The following BRD2 variants were observed in gnomAD, a reference collection of about 807,000 sequenced individuals.
The protein encoded by BRD2 is bromodomain-containing protein 2.
Under a neutral mutation model 79.1 loss-of-function variants are expected in BRD2, and 15 were observed. The ratio of observed to expected loss-of-function variants is 0.19; its 90% CI spans 0.13 to 0.29. The LOEUF is 0.29. Among genes scored for constraint, BRD2 ranks in the 10% least tolerant of loss-of-function variants. The probability of loss-of-function intolerance (pLI) is 1.00; values close to 1 mark genes in which losing one functional copy is unlikely to be tolerated. For missense variants in BRD2, 1,053 were observed against 991.3 expected (o/e 1.06, Z -0.84); for synonymous variants, 488 against 358.6 (o/e 1.36, Z -4.08).
In BRD2 at chr6:32,972,191, C is replaced by G. The variant is rs767370352; in HGVS notation, c.-708C>G. On this transcript the variant is annotated 5_prime_UTR_variant, in exon 2 of 13. Transcript: ENST00000374825. ...ATATATAAAGGGCTGGCGCGGGGCT[C>G]GGCGGCGCCATTTCGTGCTGGAGTG... The G allele has an allele frequency of 9.0e-6, 5 of 555,422 alleles. No individual in the cohort carries two copies. The highest frequency in any genetic ancestry group is 1.6e-5 in the Non-Finnish European group (5 of 305,800). 34.4% of individuals were successfully genotyped at this position (555,422 alleles called of 1,614,324 possible).
intron 10 of BRD2, chr6:32,978,870 C>A: frequency 6.0e-6 from 1 of 165,754 alleles, no homozygotes; most frequent in Non-Finnish European, 1.3e-5. Context: ...CTCAAAGTAG[C>A]CATAAACTAG....
rs771907245 is a variant in BRD2, at chr6:32,980,758, G to A, written c.*40G>A. ...TGGGGCAGGAAGGCTCCGCAGGACC[G>A]GACCCCTAGACCACCCTGCCCCACC... On this transcript the variant is annotated 3_prime_UTR_variant, in exon 13 of 13. Coordinates refer to ENST00000374825, the MANE Select transcript of BRD2 (RefSeq NM_005104.4). 1.1e-5 allele frequency: 18 copies of A among 1,609,352 alleles called. No homozygotes were observed. Among genetic ancestry groups the A allele is most frequent in the East Asian group, 2.2e-5 (1 of 44,872 alleles).
chr6:32,974,779 T>C lies in BRD2; in HGVS notation c.333+14T>C, dbSNP rs780280537. On this transcript the variant is annotated intron_variant, in intron 3 of 12. Transcript: ENST00000374825. ...CTGGGTCTACCGGTGAGTAGAGACATTGGAGCCGGGGAGGTGTGGGATGAG... is the reference window on the plus strand; with the variant it reads ...CTGGGTCTACCGGTGAGTAGAGACACTGGAGCCGGGGAGGTGTGGGATGAG... 5 of 1,609,938 alleles carry C rather than the reference T, an allele frequency of 3.1e-6. No individual in the cohort carries two copies. Among genetic ancestry groups the C allele is most frequent in the Middle Eastern group, 1.7e-4 (1 of 6,046 alleles).
Position 32,980,760 on chromosome 6 carries a change from A to G in BRD2, c.*42A>G, listed in dbSNP as rs1168047899. The G allele has an allele frequency of 3.7e-6, 6 of 1,607,736 alleles. No homozygotes were observed. The highest frequency in any genetic ancestry group is 5.1e-6 in the Non-Finnish European group (6 of 1,177,940). ...GGGCAGGAAGGCTCCGCAGGACCGG[A>G]CCCCTAGACCACCCTGCCCCACCTG... On this transcript the variant is annotated 3_prime_UTR_variant, in exon 13 of 13. Coordinates refer to ENST00000374825, the MANE Select transcript of BRD2 (RefSeq NM_005104.4).
chr6:32,975,716 AG>A (rs1778652046), intron 4 of BRD2, among the ~76,000 whole-genome samples, 195 bp downstream of exon 4: 1 of 152,184 alleles, frequency 6.6e-6, no homozygotes, highest in African/African-American at 2.4e-5. Flanking sequence ...CTCTAGTTGA[AG>A]GTTATTTAGA....
chr6:32,972,779 A>G lies in BRD2; in HGVS notation c.-120A>G, dbSNP rs1778189858. On this transcript the variant is annotated 5_prime_UTR_variant, in exon 2 of 13. Coordinates refer to ENST00000374825, the MANE Select transcript of BRD2 (RefSeq NM_005104.4). ...GCCAGGCAGGGGGTTTGTCGCCTGG[A>G]GGCCCAAGAGGAACGGCCTCCCCCC... The G allele has an allele frequency of 6.8e-7, 1 of 1,472,826 alleles. No individual in the cohort carries two copies. Among genetic ancestry groups the G allele is most frequent in the Non-Finnish European group, 9.4e-7 (1 of 1,064,202 alleles). The allele number at this position is 1,472,826 out of a possible 1,614,324, so 91.2% of individuals were successfully genotyped here.
chr6:32,978,487 A>G, intron 10 of BRD2, 99 bp downstream of exon 10: 1 of 1,526,256 alleles, frequency 6.6e-7, no homozygotes, highest in Admixed American at 2.1e-5. Context: ...GCCAGTTAAC[A>G]GATACAATAG....
Position 32,977,994 on chromosome 6 carries a change from C to T in BRD2, c.1567C>T (p.Leu523=), listed in dbSNP as rs1778996990. Residue 523 remains leucine, a synonymous_variant, in exon 9 of 13, where the codon CTA becomes TTA. Coordinates refer to ENST00000374825, the MANE Select transcript of BRD2 (RefSeq NM_005104.4). ...EEERAHRLAE[L]QEQLRAVHEQ... Reference sequence around the variant, plus strand: ...AGAAAGGGCTCATCGCTTAGCAGAACTACAGGAACAGGTATTTTGTCACTC... The same window carrying T: ...AGAAAGGGCTCATCGCTTAGCAGAATTACAGGAACAGGTATTTTGTCACTC... The T allele has an allele frequency of 1.2e-6, 2 of 1,610,258 alleles. No individual in the cohort carries two copies. The highest frequency in any genetic ancestry group is 2.2e-5 in the East Asian group (1 of 44,882).
rs1778081532 is a variant in BRD2, at chr6:32,972,149, GCTC to G, written c.-742_-740del. ...CAGGGTGGCGCGCATGAGCGGCGAA[GCTC>G]CTCCTCCCCGCCTATATATAAAGGG... On this transcript the variant is annotated 5_prime_UTR_variant, in exon 2 of 13. Coordinates refer to ENST00000374825, the MANE Select transcript of BRD2 (RefSeq NM_005104.4). 1.5e-6 allele frequency: 1 copy of G among 646,006 alleles called. No homozygotes were observed. The highest frequency in any genetic ancestry group is 2.8e-6 in the Non-Finnish European group (1 of 355,110). The allele number at this position is 646,006 out of a possible 1,614,324, so 40.0% of individuals were successfully genotyped here. A position where few individuals can be genotyped will look rare whatever the true frequency, so the allele number is the denominator to read the frequency against.
chr6:32,980,476 C>CT lies in BRD2; in HGVS notation c.2269+15dup, dbSNP rs754834721. ...GCCCCCCAAGAAAGGTGAGTATATA[C>CT]TTTCATGCCACTACAGATTGACTCC... On this transcript the variant is annotated intron_variant, in intron 12 of 12. Coordinates refer to ENST00000374825, the MANE Select transcript of BRD2 (RefSeq NM_005104.4). 34 of 1,613,022 alleles carry CT rather than the reference C, an allele frequency of 2.1e-5. No homozygotes were observed. Among genetic ancestry groups the CT allele is most frequent in the Non-Finnish European group, 2.9e-5 (34 of 1,180,004 alleles).
intron 10 of BRD2, 153 bp from the exon 11 acceptor site, chr6:32,979,675 A>G (rs953428816): frequency 3.7e-6 from 3 of 818,664 alleles, no homozygotes; most frequent in Non-Finnish European, 5.6e-6. Context: ...TTCACTATAC[A>G]GTGTCCCAGT....
intron 7 of BRD2, 75 bp from the exon 8 acceptor site, chr6:32,977,367 T>G: frequency 6.2e-7 from 1 of 1,611,632 alleles, no homozygotes; most frequent in Non-Finnish European, 8.5e-7. Flanking sequence ...AGGGCTCTTC[T>G]TGTGGTGTCT....
intron 3 of BRD2, 90 bp downstream of exon 3, chr6:32,974,855 C>G (rs1778516593): frequency 1.3e-6 from 2 of 1,484,508 alleles, no homozygotes; most frequent in Admixed American, 4.0e-5. Context: ...TGCTGCGGCC[C>G]CTAGGGAGTT....
intron 9 of BRD2, 59 bp downstream of exon 9, chr6:32,978,064 T>A: frequency 6.3e-7 from 1 of 1,588,376 alleles, no homozygotes; most frequent in Non-Finnish European, 8.5e-7. Flanking sequence ...TTTGTCCTCA[T>A]TTTTTCTTCT....
chr6:32,974,508 G>A lies in BRD2; in HGVS notation c.76G>A (p.Ala26Thr). ...AGGGTTGCTGGGGCTGGGCCCAGAA[G>A]CAGCAGCACCAGGGAAGAGGATTCG... ...NAGLLGLGPE[A>T]AAPGKRIRKP... is the part of the protein sequence containing the mutation. Residue 26 changes from alanine (A) to threonine (T), a missense_variant, in exon 3 of 13, where the codon GCA becomes ACA. By Grantham distance (58) the Ala-to-Thr change is moderately conservative. This residue lies in a region of BRD2 where 413 missense variants were observed against 335.1 expected (regional missense o/e 1.23). Transcript: ENST00000374825. 1 of 1,613,758 alleles carries A rather than the reference G, an allele frequency of 6.2e-7. No individual in the cohort carries two copies. The highest frequency in any genetic ancestry group is 8.5e-7 in the Non-Finnish European group (1 of 1,179,614).
In BRD2 at chr6:32,980,837, C is replaced by A; in HGVS notation, c.*119C>A. ...CTTCATCTCACCCCCCCCCGCCCCCCTCTAGGAGAGCTGGCTCTGCAGTGG... is the reference window on the plus strand; with the variant it reads ...CTTCATCTCACCCCCCCCCGCCCCCATCTAGGAGAGCTGGCTCTGCAGTGG... On this transcript the variant is annotated 3_prime_UTR_variant, in exon 13 of 13. Coordinates refer to ENST00000374825, the MANE Select transcript of BRD2 (RefSeq NM_005104.4). 3 of 1,253,038 alleles carry A rather than the reference C, an allele frequency of 2.4e-6. No individual in the cohort carries two copies. The highest frequency in any genetic ancestry group is 3.3e-6 in the Non-Finnish European group (3 of 899,676). The allele number at this position is 1,253,038 out of a possible 1,614,324, so 77.6% of individuals were successfully genotyped here.
chr6:32,972,439 C>A lies in BRD2; in HGVS notation c.-460C>A. 1 of 297,812 alleles carries A rather than the reference C, an allele frequency of 3.4e-6. No individual in the cohort carries two copies. Among genetic ancestry groups the A allele is most frequent in the Non-Finnish European group, 6.5e-6 (1 of 154,930 alleles). The allele number at this position is 297,812 out of a possible 1,614,324, so 18.4% of individuals were successfully genotyped here. Reference sequence around the variant, plus strand: ...GTCTGTCCACCCCCTCTACTCCGCCCTCAAGAGGATTTCAAAGATGGAGGC... The same window carrying A: ...GTCTGTCCACCCCCTCTACTCCGCCATCAAGAGGATTTCAAAGATGGAGGC... On this transcript the variant is annotated 5_prime_UTR_variant, in exon 2 of 13. Coordinates refer to ENST00000374825, the MANE Select transcript of BRD2 (RefSeq NM_005104.4).
rs890879090 is a variant in BRD2, at chr6:32,980,992, T to A, written c.*274T>A. On this transcript the variant is annotated 3_prime_UTR_variant, in exon 13 of 13. Transcript: ENST00000374825. ...AAATGGGGCAGGGCAAGGGTGGGAG[T>A]GTGCAAAGCCCTGATCTGGAGTTAC... The A allele has an allele frequency of 1.8e-4, 86 of 476,378 alleles. 1 individual carries two copies. Among genetic ancestry groups the A allele is most frequent in the African/African-American group, 1.5e-3 (76 of 51,306 alleles). 29.5% of individuals were successfully genotyped at this position (476,378 alleles called of 1,614,324 possible). A position where few individuals can be genotyped will look rare whatever the true frequency, so the allele number is the denominator to read the frequency against.
rs781527034 is a variant in BRD2, at chr6:32,978,398, A to T, written c.1841+10A>T. 6.2e-7 allele frequency: 1 copy of T among 1,608,018 alleles called. No homozygotes were observed. The highest frequency in any genetic ancestry group is 8.5e-7 in the Non-Finnish European group (1 of 1,177,724). On this transcript the variant is annotated intron_variant, in intron 10 of 12. Transcript: ENST00000374825. The stretch of plus-strand genomic sequence containing the variant: ...GAGGAAGTGGCACCAAGTGAGTTAG[A>T]GTAGGAAGCAGAGACTAGTTTGGCT...
Sources: allele counts gnomAD v4.1 joint callset (sites outside exome capture counted in the v4.1 genomes callset), GRCh38; gene constraint gnomAD v4.1.1; regional missense constraint gnomAD v4.1.1; transcripts MANE v1.5; gene names NCBI Gene and HGNC (gene_info 2026-07-23, HGNC 2026-07-21).